BRINP3: variants seen among roughly 807,000 people sequenced by gnomAD.
BRINP3 encodes BMP/retinoic acid-inducible neural-specific protein 3.
In BRINP3, 19 loss-of-function variants were observed where a neutral mutation model predicts 71.0. The ratio of observed to expected loss-of-function variants is 0.27; its 90% CI spans 0.19 to 0.39. The LOEUF (loss-of-function observed/expected upper bound fraction) is 0.39. Ranked by LOEUF, BRINP3 falls within the 10% of genes least tolerant of loss-of-function variation. The pLI, the probability that BRINP3 is intolerant of heterozygous loss-of-function variation, is 1.00. For synonymous variants in BRINP3, 380 were observed against 337.7 expected (o/e 1.13, Z -1.37); for missense variants, 959 against 940.8 (o/e 1.02, Z -0.25).
intron 2 of BRINP3, among the ~76,000 whole-genome samples, chr1:190,304,154 CT>C (rs1271871963): frequency 1.1e-4 from 16 of 151,750 alleles, no homozygotes; most frequent in Non-Finnish European, 3.0e-5. Flanking sequence ...ATTTTCCATG[CT>C]ATAAAACCAA....
At chr1:190,380,911 AAC>A (rs1558235198) in intron 2 of BRINP3, among the ~76,000 whole-genome samples, 1 of 152,166 alleles carries the variant, frequency 6.6e-6, no homozygotes, top group Non-Finnish European at 1.5e-5. Context: ...TTTCATAAAT[AAC>A]ACATTTTATC....
chr1:190,168,489 T>C (rs2102487917), intron 6 of BRINP3, among the ~76,000 whole-genome samples: 1 of 152,294 alleles, frequency 6.6e-6, no homozygotes, highest in Non-Finnish European at 1.5e-5. Context: ...TCCTATATGC[T>C]CTTCACATTA....
intron 2 of BRINP3, among the ~76,000 whole-genome samples, chr1:190,396,485 A>G (rs1198713931): frequency 6.6e-6 from 1 of 151,326 alleles, no homozygotes; most frequent in Non-Finnish European, 1.5e-5. Context: ...TTCAAAAACT[A>G]GGAATCTATT....
At chr1:190,186,414 G>T (rs952653853) in intron 6 of BRINP3, among the ~76,000 whole-genome samples, 11 of 151,784 alleles carry the variant, frequency 7.2e-5, no homozygotes, top group Non-Finnish European at 1.0e-4. Flanking sequence ...ATTAGTTCAG[G>T]TATATTTATA....
chr1:190,297,026 G>T (rs2102984188), intron 2 of BRINP3, among the ~76,000 whole-genome samples: 1 of 151,806 alleles, frequency 6.6e-6, no homozygotes, highest in South Asian at 2.1e-4. Flanking sequence ...AATTTCAATG[G>T]CATTTTTCAC....
chr1:190,216,933 A>AT (rs1656469683), intron 6 of BRINP3: 1 of 151,924 alleles, frequency 6.6e-6, no homozygotes, highest in African/African-American at 2.4e-5. Context: ...TTCTGTTTTA[A>AT]TAAAAATAAC....
chr1:190,376,405 T>C (rs80082346), intron 2 of BRINP3, among the ~76,000 whole-genome samples: 2,225 of 152,122 alleles, frequency 0.015, 48 homozygotes, highest in African/African-American at 0.051. Context: ...TGCTGTTAAA[T>C]GAAATCAGGC....
intron 6 of BRINP3, among the ~76,000 whole-genome samples, chr1:190,181,229 G>A (rs1653004644): frequency 6.6e-6 from 1 of 151,930 alleles, no homozygotes; most frequent in Non-Finnish European, 1.5e-5. Context: ...GTTATTGTCT[G>A]TACCAGTATA....
At chr1:190,318,428 T>G (rs571724908) in intron 2 of BRINP3, among the ~76,000 whole-genome samples, 2 of 152,214 alleles carry the variant, frequency 1.3e-5, no homozygotes, top group East Asian at 3.9e-4. Context: ...AAGCAATATA[T>G]CTCAAGTATT....
At chr1:190,441,136 G>T (rs1299719718) in intron 2 of BRINP3, among the ~76,000 whole-genome samples, 5 of 151,596 alleles carry the variant, frequency 3.3e-5, no homozygotes. Flanking sequence ...TCCTAATAGA[G>T]AAGCTAGAAA....
intron 5 of BRINP3, among the ~76,000 whole-genome samples, chr1:190,229,021 A>G (rs1657680193): frequency 6.6e-6 from 1 of 152,046 alleles, no homozygotes; most frequent in African/African-American, 2.4e-5. Context: ...CCACCTTCTC[A>G]TGGAACCAAC....
intron 7 of BRINP3, among the ~76,000 whole-genome samples, chr1:190,133,214 C>T (rs1403150672): frequency 1.3e-5 from 2 of 152,082 alleles, no homozygotes; most frequent in Admixed American, 6.6e-5. Context: ...TAAGACTATA[C>T]TTGTATTCTC....
At chr1:190,303,286 T>G (rs1190768377) in intron 2 of BRINP3, among the ~76,000 whole-genome samples, 2 of 151,888 alleles carry the variant, frequency 1.3e-5, no homozygotes, top group Non-Finnish European at 3.0e-5. Context: ...TAGTGATAAT[T>G]TAAATCCAAT....
chr1:190,162,476 A>G (rs78285728), intron 6 of BRINP3, among the ~76,000 whole-genome samples: 2 of 128,324 alleles, frequency 1.6e-5, no homozygotes, highest in South Asian at 4.8e-4. Context: ...CCTATATTTT[A>G]TTTGGTCCCA....
At chr1:190,304,822 G>T (rs144641460) in intron 2 of BRINP3, among the ~76,000 whole-genome samples, 1 of 151,998 alleles carries the variant, frequency 6.6e-6, no homozygotes, top group East Asian at 1.9e-4. Context: ...AAAGTGAAGA[G>T]ACAACCCACA....
At chr1:190,318,075 T>C (rs1284556281) in intron 2 of BRINP3, among the ~76,000 whole-genome samples, 2 of 152,128 alleles carry the variant, frequency 1.3e-5, no homozygotes, top group Non-Finnish European at 2.9e-5. Flanking sequence ...CTTTCCTCTT[T>C]CTTTATATTG....
intron 1 of BRINP3, among the ~76,000 whole-genome samples, chr1:190,463,657 T>A (rs1430967931): frequency 6.6e-6 from 1 of 151,862 alleles, no homozygotes; most frequent in Non-Finnish European, 1.5e-5. Flanking sequence ...TATTCTGTAG[T>A]CAGATTAGTA....
intron 2 of BRINP3, among the ~76,000 whole-genome samples, chr1:190,429,593 C>CTTTTTTTTTTTTT (rs66510191): frequency 7.2e-6 from 1 of 139,008 alleles, no homozygotes; most frequent in Non-Finnish European, 1.6e-5. Flanking sequence ...TTCTTTCTTC[C>CTTTTTTTTTTTTT]TTTTTTTTTT....
At chr1:190,334,782 G>GA (rs2103090885) in intron 2 of BRINP3, among the ~76,000 whole-genome samples, 1 of 151,868 alleles carries the variant, frequency 6.6e-6, no homozygotes, top group East Asian at 1.9e-4. Flanking sequence ...ATAATAAGGT[G>GA]AAAATGCTGT....
Sources: gnomAD v4.1 joint callset for allele counts (sites outside exome capture counted in the v4.1 genomes callset) on GRCh38, gnomAD v4.1.1 for gene constraint, MANE v1.5 for transcripts, NCBI Gene and HGNC (gene_info 2026-07-23, HGNC 2026-07-21) for gene names.